Variants in KPNA7 observed in about 807,000 individuals in gnomAD.
The protein encoded by KPNA7 is importin subunit alpha-8.
Under a neutral mutation model 53.7 loss-of-function variants are expected in KPNA7, and 54 were observed. The ratio of observed to expected loss-of-function variants is 1.01; its 90% confidence interval spans 0.81 to 1.26. The LOEUF is 1.26. Among genes scored for constraint, KPNA7 ranks in the 50% most tolerant of loss-of-function variants. KPNA7 has a pLI of 0.00. For synonymous variants in KPNA7, 276 were observed against 259.3 expected, an observed-to-expected ratio of 1.06 and a Z score of -0.62; for missense variants, 640 against 644.5, an observed-to-expected ratio of 0.99 and a Z score of 0.07.
In KPNA7 at chr7:99,203,177, T is replaced by C; in HGVS notation, c.130A>G (p.Thr44Ala). 1 of 1,551,650 alleles carries C rather than the reference T, an allele frequency of 6.4e-7. No individual in the cohort carries two copies. Among genetic ancestry groups the C allele is most frequent in the Non-Finnish European group, 8.7e-7 (1 of 1,146,942 alleles). The part of the protein sequence containing the change: ...ELRKAKKDEQ[T>A]LKRRNITSFC... ...CTCGTGATATTCCTTCTCTTTAAGG[T>C]CTGTTCATCTTTCTTGGCCTTTCGG... The change falls in exon 3 of 11, where the codon ACC becomes GCC. Residue 44 changes from threonine (T) to alanine (A), a missense_variant. Thr to Ala is a moderately conservative substitution (Grantham distance 58). Transcript: ENST00000327442.
intron 8 of KPNA7, among the ~76,000 whole-genome samples, chr7:99,184,576 C>T (rs1789479229): frequency 6.6e-6 from 1 of 152,090 alleles, no homozygotes; most frequent in South Asian, 2.1e-4. Context: ...TATGTTTTTC[C>T]TCCTAAAAAT....
intron 1 of KPNA7, among the ~76,000 whole-genome samples, chr7:99,213,311 G>A (rs1791123524): frequency 6.6e-6 from 1 of 151,406 alleles, no homozygotes. Context: ...TGTATTTTTA[G>A]TAGAGACGGG....
intron 3 of KPNA7, among the ~76,000 whole-genome samples, chr7:99,198,758 C>T (rs1790358239): frequency 6.6e-6 from 1 of 151,974 alleles, no homozygotes; most frequent in African/African-American, 2.4e-5. Context: ...TCCAACATGG[C>T]ATTGGAAGTT....
Position 99,199,065 on chromosome 7 carries a change from GAAAAAAAA to G in KPNA7, c.202-2907_202-2900del, listed in dbSNP as rs67877761. On this transcript the variant is annotated intron_variant, in intron 3 of 10. Coordinates refer to ENST00000327442, the MANE Select transcript of KPNA7 (RefSeq NM_001145715.3). The stretch of plus-strand genomic sequence containing the variant: ...ATCCAAGAGTTATATGCTGCAAACT[GAAAAAAAA>G]AAAAAAAAAAAAAAAGGACTGAAAT... 2.9e-3 allele frequency among the ~76,000 whole-genome samples: 177 copies of G among 61,124 alleles called. 6 individuals are homozygous for G. Among genetic ancestry groups the G allele is most frequent in the South Asian group, 0.025 (48 of 1,924 alleles). 40.1% of individuals were successfully genotyped at this position (61,124 alleles called of 152,430 possible).
chr7:99,207,993 G>A (rs923943065), intron 1 of KPNA7, among the ~76,000 whole-genome samples, 35 bp downstream of exon 1: 36 of 151,870 alleles, frequency 2.4e-4, no homozygotes, highest in African/African-American at 7.5e-4. Context: ...CATATACACA[G>A]CACAGACTCC....
chr7:99,191,855 A>G (rs1176693319), intron 6 of KPNA7, among the ~76,000 whole-genome samples: 2 of 152,134 alleles, frequency 1.3e-5, no homozygotes, highest in Non-Finnish European at 2.9e-5. Flanking sequence ...TCGCCATATT[A>G]GTCAGGCTGG....
At chr7:99,207,877 G>A (rs1025948022) in intron 1 of KPNA7, among the ~76,000 whole-genome samples, 151 bp downstream of exon 1, 6 of 151,292 alleles carry the variant, frequency 4.0e-5, no homozygotes, top group East Asian at 2.0e-4. Flanking sequence ...CTTGTGATCC[G>A]CCCACCTCGG....
intron 1 of KPNA7, among the ~76,000 whole-genome samples, chr7:99,213,964 A>G (rs1202283631): frequency 2.0e-5 from 3 of 152,142 alleles, no homozygotes; most frequent in Non-Finnish European, 4.4e-5. Flanking sequence ...ATGAAGTTTC[A>G]TCTAATACTA....
At chr7:99,196,789 AATT>A (rs540323893) in intron 3 of KPNA7, among the ~76,000 whole-genome samples, 173 of 152,224 alleles carry the variant, frequency 1.1e-3, no homozygotes, top group Middle Eastern at 3.4e-3. Flanking sequence ...ATTCCCAGAA[AATT>A]ATTATTTGAT....
the KPNA7 span, among the ~76,000 whole-genome samples, chr7:99,167,981 T>TCCCCCCCCCCCCCCCCC: frequency 5.1e-5 from 7 of 137,532 alleles, no homozygotes; most frequent in African/African-American, 1.1e-4. Flanking sequence ...CCCAAACCAT[T>TCCCCCCCCCCCCCCCCC]CCCCCACCCC....
chr7:99,191,287 AGCTG>A (rs1471585301), intron 6 of KPNA7, among the ~76,000 whole-genome samples: 1 of 151,678 alleles, frequency 6.6e-6, no homozygotes, highest in Non-Finnish European at 1.5e-5. Context: ...CCTCCTGAGT[AGCTG>A]GGAGTACAGG....
upstream of KPNA7, among the ~76,000 whole-genome samples, chr7:99,213,106 T>C (rs1212390503): frequency 6.6e-6 from 1 of 151,432 alleles, no homozygotes; most frequent in Non-Finnish European, 1.5e-5. Flanking sequence ...TATGGGCCTA[T>C]TTAAGGAGCA....
At chr7:99,191,791 A>G (rs899031779) in intron 6 of KPNA7, among the ~76,000 whole-genome samples, 1 of 152,164 alleles carries the variant, frequency 6.6e-6, no homozygotes, top group African/African-American at 2.4e-5. Flanking sequence ...CTGGGACTAC[A>G]GGAACGTGCC....
chr7:99,167,362 C>G, the KPNA7 span, among the ~76,000 whole-genome samples: 157 of 152,304 alleles, frequency 1.0e-3, 1 homozygote, highest in African/African-American at 3.4e-3. Flanking sequence ...AGCAGGTGAG[C>G]GAAGCTGAGC....
chr7:99,167,528 C>G, the KPNA7 span, among the ~76,000 whole-genome samples: 44 of 151,216 alleles, frequency 2.9e-4, no homozygotes, highest in Non-Finnish European at 6.0e-4. Flanking sequence ...CCTTGGCTCA[C>G]TGCAACCTCC....
At position 99,207,450 on chromosome 7, in the gene KPNA7, G is replaced by A. The variant is rs761002400; in HGVS notation, c.17C>T (p.Ala6Val). MPTLD[A>V]PEERRRKFKY... ...AAATTTTCTCCGCCTCTCTTCTGGA[G>A]CATCTAAGGTCGGCATATTGACTGG... Residue 6 changes from alanine (A) to valine (V), a missense_variant, in exon 2 of 11, where the codon GCT becomes GTT. Physicochemically the swap from Ala to Val is moderately conservative, Grantham distance 64 (BLOSUM62 0). Transcript: ENST00000327442. 7.1e-6 allele frequency: 11 copies of A among 1,551,210 alleles called. No individual in the cohort carries two copies. The highest frequency in any genetic ancestry group is 2.0e-5 in the Admixed American group (1 of 50,910).
At chr7:99,209,248 A>G (rs1790976770), upstream of KPNA7, among the ~76,000 whole-genome samples, 1 of 152,090 alleles carries the variant, frequency 6.6e-6, no homozygotes, top group Admixed American at 6.6e-5. Flanking sequence ...CAAGGCTGCA[A>G]CAGGAAAACC....
At chr7:99,161,679 T>C in the KPNA7 span, among the ~76,000 whole-genome samples, 8 of 152,198 alleles carry the variant, frequency 5.3e-5, no homozygotes, top group Non-Finnish European at 1.2e-4. Flanking sequence ...GAAGGGCAAG[T>C]TGGCTAACCT....
the KPNA7 span, among the ~76,000 whole-genome samples, chr7:99,153,384 C>T: frequency 6.6e-6 from 1 of 151,866 alleles, no homozygotes; most frequent in Non-Finnish European, 1.5e-5. Context: ...ATGGCGAAAC[C>T]CCATCTCTAC....
Sources: allele counts gnomAD v4.1 joint callset (sites outside exome capture counted in the v4.1 genomes callset), GRCh38; gene constraint gnomAD v4.1.1; transcripts MANE v1.5; gene names NCBI Gene and HGNC (gene_info 2026-07-23, HGNC 2026-07-21).